The following ARNT variants were observed in gnomAD, a reference collection of about 807,000 sequenced individuals.
ARNT encodes aryl hydrocarbon receptor nuclear translocator, also known as class E basic helix-loop-helix protein 2.
ARNT carries 30 observed loss-of-function variants against 105.0 expected under a neutral mutation model. That is an observed-to-expected ratio of 0.29 (90% CI 0.21 to 0.39). The LOEUF (loss-of-function observed/expected upper bound fraction) is 0.39. Ranked by LOEUF, ARNT falls within the 10% of genes least tolerant of loss-of-function variation. The probability of loss-of-function intolerance (pLI) is 1.00; values close to 1 mark genes in which losing one functional copy is unlikely to be tolerated. For missense variants in ARNT, 748 were observed against 978.7 expected, an observed-to-expected ratio of 0.76 and a Z score of 3.15; for synonymous variants, 304 against 344.0, an observed-to-expected ratio of 0.88 and a Z score of 1.29.
In ARNT at chr1:150,832,434, G is replaced by C. The variant is rs1486856291; in HGVS notation, c.804-35C>G. On this transcript the variant is annotated intron_variant, in intron 8 of 21. Transcript: ENST00000358595. ...GGAATAAAGAGATTAAAAGCAATCA[G>C]ACTGCCCTATCAAAGAACTTTCCAC... 2.5e-6 allele frequency: 4 copies of C among 1,604,172 alleles called. No individual in the cohort carries two copies. The South Asian group carries it at 4.4e-5, about 18-fold the overall frequency.
intron 1 of ARNT, among the ~76,000 whole-genome samples, chr1:150,864,470 G>C (rs1322556835): frequency 6.6e-6 from 1 of 151,900 alleles, no homozygotes; most frequent in African/African-American, 2.4e-5. Flanking sequence ...TAGGGACATG[G>C]ACGAAATTGG....
chr1:150,840,104 A>C, intron 5 of ARNT, among the ~76,000 whole-genome samples: 1 of 152,026 alleles, frequency 6.6e-6, no homozygotes, highest in Non-Finnish European at 1.5e-5. Context: ...AGCAGGGCAC[A>C]GTGGCATGCA....
rs1654681110 is a variant in ARNT, at chr1:150,811,377, GA to G, written c.*643del. The G allele has an allele frequency of 4.3e-6, 1 of 233,544 alleles. No individual in the cohort carries two copies. Among genetic ancestry groups the G allele is most frequent in the Non-Finnish European group, 8.5e-6 (1 of 117,992 alleles). The allele number at this position is 233,544 out of a possible 1,614,324, so 14.5% of individuals were successfully genotyped here. On this transcript the variant is annotated 3_prime_UTR_variant, in exon 22 of 22. Coordinates refer to ENST00000358595, the MANE Select transcript of ARNT (RefSeq NM_001668.4). ...CTTAGGACTCTTTGAAAAGTACACA[GA>G]AAGACAAAGGTAAAATCGGGGACAA...
chr1:150,825,920 C>CTT (rs755090857), intron 13 of ARNT, among the ~76,000 whole-genome samples: 2 of 144,904 alleles, frequency 1.4e-5, no homozygotes, highest in Admixed American at 6.9e-5. Flanking sequence ...TCTTTTTTAT[C>CTT]TTTTTTTTTT....
intron 1 of ARNT, among the ~76,000 whole-genome samples, chr1:150,871,800 C>T (rs1667485171): frequency 7.1e-6 from 1 of 141,152 alleles, no homozygotes; most frequent in African/African-American, 2.6e-5. Context: ...CCCAGCTACT[C>T]GGGAGGCTGA....
Position 150,858,360 on chromosome 1 carries a change from C to T in ARNT, c.126G>A (p.Lys42=). The T allele has an allele frequency of 6.2e-7, 1 of 1,606,678 alleles. No individual in the cohort carries two copies. Among genetic ancestry groups the T allele is most frequent in the Non-Finnish European group, 8.5e-7 (1 of 1,176,120 alleles). ...ACACTCAAACTCACCCTGGTCGCCG[C>T]TTAATAGCCCTCTGGACAATGGCTC... The part of the protein sequence containing the change: ...GGGAIVQRAI[K]RRPGLDFDDD... The change falls in exon 2 of 22, where the codon AAG becomes AAA. Residue 42 remains lysine, a synonymous_variant. Coordinates refer to ENST00000358595, the MANE Select transcript of ARNT (RefSeq NM_001668.4).
At chr1:150,852,900 C>T in intron 2 of ARNT, 94 bp from the exon 3 acceptor site, 1 of 1,444,776 alleles carries the variant, frequency 6.9e-7, no homozygotes, top group Middle Eastern at 1.7e-4. Flanking sequence ...GGAACACCCA[C>T]CCAAATGGAA....
chr1:150,856,430 A>C (rs1664624146), intron 2 of ARNT, among the ~76,000 whole-genome samples: 1 of 147,074 alleles, frequency 6.8e-6, no homozygotes, highest in South Asian at 2.1e-4. Context: ...ACAGAGCGAG[A>C]CTCCATCTCA....
At chr1:150,847,425 C>CAAAAAA (rs587697329) in intron 3 of ARNT, among the ~76,000 whole-genome samples, 5 of 91,548 alleles carry the variant, frequency 5.5e-5, no homozygotes, top group Admixed American at 1.4e-4. Context: ...GACTCCGTCT[C>CAAAAAA]AAAAAAAAAA....
intron 1 of ARNT, among the ~76,000 whole-genome samples, chr1:150,868,624 G>T (rs779375203): frequency 1.3e-5 from 2 of 150,502 alleles, no homozygotes; most frequent in Non-Finnish European, 3.0e-5. Flanking sequence ...TGGGCAGGCC[G>T]GGCGCGGTGG....
intron 4 of ARNT, among the ~76,000 whole-genome samples, chr1:150,844,996 G>C (rs1252305133): frequency 3.9e-5 from 6 of 151,992 alleles, no homozygotes; most frequent in Non-Finnish European, 2.9e-5. Context: ...TTTTAGTAGA[G>C]ATGGGGTTTC....
chr1:150,832,455 T>C, intron 8 of ARNT, 56 bp from the exon 9 acceptor site: 1 of 1,513,846 alleles, frequency 6.6e-7, no homozygotes, highest in Non-Finnish European at 9.2e-7. Flanking sequence ...CAAAGAACTT[T>C]CCACAGTAAT....
Position 150,829,074 on chromosome 1 carries a change from T to G in ARNT, c.1167+19A>C. On this transcript the variant is annotated intron_variant, in intron 12 of 21. Transcript: ENST00000358595. ...TAGCCAAAGGAAAATGGAGGCCTAA[T>G]GGAGCTCCAGCTCCTCACCTGTGGC... The G allele has an allele frequency of 6.2e-7, 1 of 1,613,412 alleles. No individual in the cohort carries two copies.
intron 3 of ARNT, among the ~76,000 whole-genome samples, chr1:150,847,604 T>C (rs1662486486): frequency 6.6e-6 from 1 of 152,116 alleles, no homozygotes; most frequent in Admixed American, 6.6e-5. Context: ...ATGGAAGCAA[T>C]GACTCAGGGT....
chr1:150,832,734 C>G (rs1357820938), intron 8 of ARNT, among the ~76,000 whole-genome samples: 2 of 152,194 alleles, frequency 1.3e-5, no homozygotes, highest in South Asian at 2.1e-4. Flanking sequence ...ATGAAAATAG[C>G]CATAGATAAT....
At chr1:150,834,800 C>T (rs1019509576) in intron 7 of ARNT, 160 bp from the exon 8 acceptor site, 13 of 530,264 alleles carry the variant, frequency 2.5e-5, no homozygotes, top group Non-Finnish European at 4.1e-5. Context: ...TTTTTCAAGC[C>T]TAAAATACTT....
At position 150,810,114 on chromosome 1, in the gene ARNT, T is replaced by G; in HGVS notation, c.*1907A>C. ...AGAAATTTTACAAAAGGAAAAAATA[T>G]TTTGTTTGAAAATCTTTGCTACATG... On this transcript the variant is annotated 3_prime_UTR_variant, in exon 22 of 22. Coordinates refer to ENST00000358595, the MANE Select transcript of ARNT (RefSeq NM_001668.4). 1 of 231,122 alleles carries G rather than the reference T, an allele frequency of 4.3e-6. No homozygotes were observed. The allele number at this position is 231,122 out of a possible 1,614,324, so 14.3% of individuals were successfully genotyped here.
chr1:150,829,632 G>A, intron 11 of ARNT: 3 of 556,202 alleles, frequency 5.4e-6, no homozygotes, highest in Admixed American at 3.1e-5. Context: ...CTTTTGTATA[G>A]GGGCAAAGGA....
At position 150,810,390 on chromosome 1, in the gene ARNT, T is replaced by TA. The variant is rs1654513561; in HGVS notation, c.*1630dup. 1 of 223,326 alleles carries TA rather than the reference T, an allele frequency of 4.5e-6. No individual in the cohort carries two copies. Among genetic ancestry groups the TA allele is most frequent in the Non-Finnish European group, 9.0e-6 (1 of 111,574 alleles). 13.8% of individuals were successfully genotyped at this position (223,326 alleles called of 1,614,324 possible). On this transcript the variant is annotated 3_prime_UTR_variant, in exon 22 of 22. Coordinates refer to ENST00000358595, the MANE Select transcript of ARNT (RefSeq NM_001668.4). ...TTGGAAACTCAACTTTTTGGTTTCG[T>TA]AAATTGTGATATAAATATATATGTA...
Sources: gnomAD v4.1 joint callset for allele counts (sites outside exome capture counted in the v4.1 genomes callset) on GRCh38, gnomAD v4.1.1 for gene constraint, MANE v1.5 for transcripts, NCBI Gene and HGNC (gene_info 2026-07-23, HGNC 2026-07-21) for gene names.